ARG2: variants seen among roughly 807,000 people sequenced by gnomAD.
The protein encoded by ARG2 is arginase 2, also known as arginase-2, mitochondrial.
Under a neutral mutation model 39.4 loss-of-function variants are expected in ARG2, and 21 were observed. The ratio of observed to expected loss-of-function variants is 0.53; its 90% CI spans 0.38 to 0.77. ARG2 has a LOEUF of 0.77. ARG2 is among the 30% of genes least tolerant of loss of function. The probability of loss-of-function intolerance (pLI) is 0.00; values close to 1 mark genes in which losing one functional copy is unlikely to be tolerated. For missense variants in ARG2, 378 were observed against 426.2 expected (o/e 0.89, Z 1.00); for synonymous variants, 150 against 156.7 (o/e 0.96, Z 0.32).
chr14:67,619,950 G>C lies in ARG2; in HGVS notation c.-28G>C, dbSNP rs780297601. The stretch of plus-strand genomic sequence containing the variant: ...CGGCTTCCAACCGCGCGGAGCCTCT[G>C]CCTTGGAGATTCTCAGTGCTGCGGA... On this transcript the variant is annotated 5_prime_UTR_variant, in exon 1 of 8. Transcript: ENST00000261783. 1.7e-5 allele frequency: 26 copies of C among 1,508,818 alleles called. No homozygotes were observed. The South Asian group carries it at 1.9e-4, about 11-fold the overall frequency. 93.5% of individuals were successfully genotyped at this position (1,508,818 alleles called of 1,614,324 possible).
At chr14:67,630,697 G>A (rs1439540879) in intron 2 of ARG2, among the ~76,000 whole-genome samples, 1 of 152,148 alleles carries the variant, frequency 6.6e-6, no homozygotes, top group Non-Finnish European at 1.5e-5. Context: ...CTCTGCCTCA[G>A]CCTCCATAGT....
chr14:67,643,940 T>C (rs2037065177), intron 3 of ARG2, among the ~76,000 whole-genome samples: 1 of 144,888 alleles, frequency 6.9e-6, no homozygotes, highest in African/African-American at 2.5e-5. Flanking sequence ...ACTAGGCCAT[T>C]CAATTAAATC....
intron 2 of ARG2, among the ~76,000 whole-genome samples, chr14:67,624,030 G>A (rs1020177609): frequency 1.4e-4 from 22 of 152,016 alleles, no homozygotes; most frequent in Middle Eastern, 3.4e-3. Context: ...TTGTAGAGCC[G>A]GGGTCTCACT....
At chr14:67,628,166 C>T (rs1419668871) in intron 2 of ARG2, among the ~76,000 whole-genome samples, 1 of 152,080 alleles carries the variant, frequency 6.6e-6, no homozygotes, top group Non-Finnish European at 1.5e-5. Context: ...CTAATAGTGA[C>T]CTATTTCTTT....
chr14:67,627,256 G>GATATATATATATATATATATATATATAT lies in ARG2; in HGVS notation c.184+6316_184+6317insATATATATATATATATATATATATATAT, dbSNP rs3070464. On this transcript the variant is annotated intron_variant, in intron 2 of 7. Transcript: ENST00000261783. ...ACTAGGCAATTGTGATCAGTAAGGAGATATATATATATATATATATATATA... is the reference window on the plus strand; with the variant it reads ...ACTAGGCAATTGTGATCAGTAAGGAGATATATATATATATATATATATATATATATATATATATATATATATATATATA... Among the ~76,000 whole-genome samples, 35 of 133,732 alleles carry GATATATATATATATATATATATATATAT rather than the reference G, an allele frequency of 2.6e-4. 1 individual carries two copies. The highest frequency in any genetic ancestry group is 9.5e-4 in the African/African-American group (32 of 33,832). 87.7% of individuals were successfully genotyped at this position (133,732 alleles called of 152,430 possible). A position where few individuals can be genotyped will look rare whatever the true frequency, so the allele number is the denominator to read the frequency against.
At chr14:67,643,273 T>C (rs1159714052) in intron 3 of ARG2, among the ~76,000 whole-genome samples, 1 of 152,160 alleles carries the variant, frequency 6.6e-6, no homozygotes, top group Non-Finnish European at 1.5e-5. Context: ...CTAGATGAAA[T>C]AAATATACAT....
chr14:67,623,466 A>C (rs1285109578), intron 2 of ARG2, among the ~76,000 whole-genome samples: 1 of 148,624 alleles, frequency 6.7e-6, no homozygotes, highest in African/African-American at 2.5e-5. Flanking sequence ...AATGTATTTG[A>C]CTTAGTGTCT....
At position 67,650,988 on chromosome 14, in the gene ARG2, GAATACTA is replaced by G; in HGVS notation, c.*72_*78del. 1 of 1,462,712 alleles carries G rather than the reference GAATACTA, an allele frequency of 6.8e-7. No individual in the cohort carries two copies. Among genetic ancestry groups the G allele is most frequent in the South Asian group, 1.2e-5 (1 of 85,580 alleles). The allele number at this position is 1,462,712 out of a possible 1,614,324, so 90.6% of individuals were successfully genotyped here. Reference sequence around the variant, plus strand: ...ATTATGAGGCATTGAGGGGATAGATGAATACTAAATGGTTGTCTGGGTCAATACTGCC... The same window carrying G: ...ATTATGAGGCATTGAGGGGATAGATGAATGGTTGTCTGGGTCAATACTGCC... On this transcript the variant is annotated 3_prime_UTR_variant, in exon 8 of 8. Transcript: ENST00000261783.
chr14:67,646,949 T>C lies in ARG2; in HGVS notation c.646T>C (p.Tyr216His). ...HFILKNYDIQYFSMRDIDRLG... is the reference protein window; with the variant it reads ...HFILKNYDIQHFSMRDIDRLG... ...TATTTTAAAGAACTATGATATCCAGTATTTTTCCATGAGAGATATTGATCG... is the reference window on the plus strand; with the variant it reads ...TATTTTAAAGAACTATGATATCCAGCATTTTTCCATGAGAGATATTGATCG... Residue 216 changes from tyrosine to histidine, a missense_variant, in exon 6 of 8, where the codon TAT (tyrosine) becomes CAT (histidine). Tyr to His is a moderately conservative substitution (Grantham distance 83). Coordinates refer to ENST00000261783, the MANE Select transcript of ARG2 (RefSeq NM_001172.4). 1 of 1,610,108 alleles carries C rather than the reference T, an allele frequency of 6.2e-7. No homozygotes were observed. The highest frequency in any genetic ancestry group is 8.5e-7 in the Non-Finnish European group (1 of 1,176,464).
chr14:67,621,655 G>A, intron 2 of ARG2, among the ~76,000 whole-genome samples: 1 of 151,752 alleles, frequency 6.6e-6, no homozygotes, highest in Non-Finnish European at 1.5e-5. Context: ...ATGTTGGTCA[G>A]GCTGGTCTTG....
At chr14:67,628,211 T>C (rs2036886960) in intron 2 of ARG2, among the ~76,000 whole-genome samples, 1 of 152,210 alleles carries the variant, frequency 6.6e-6, no homozygotes, top group Admixed American at 6.5e-5. Context: ...GCCTCCTTTA[T>C]ATTGCAGATT....
At chr14:67,637,958 GC>G (rs1184530607) in intron 2 of ARG2, among the ~76,000 whole-genome samples, 2 of 152,164 alleles carry the variant, frequency 1.3e-5, no homozygotes, top group African/African-American at 4.8e-5. Context: ...GAGGAGGTGT[GC>G]TTTCTCAATG....
At position 67,646,845 on chromosome 14, in the gene ARG2, C is replaced by A. The variant is rs1432660046; in HGVS notation, c.618-76C>A. On this transcript the variant is annotated intron_variant, in intron 5 of 7. Coordinates refer to ENST00000261783, the MANE Select transcript of ARG2 (RefSeq NM_001172.4). ...CTATTGCAGGTCACTACAACAAACC[C>A]ACCCTCTCCCCCAAATACATATTTG... The A allele has an allele frequency of 1.0e-5, 14 of 1,380,638 alleles. No individual in the cohort carries two copies. The South Asian group carries it at 1.3e-4, about 13-fold the overall frequency. The allele number at this position is 1,380,638 out of a possible 1,614,324, so 85.5% of individuals were successfully genotyped here.
intron 2 of ARG2, among the ~76,000 whole-genome samples, chr14:67,631,415 G>T (rs2036916496): frequency 6.8e-6 from 1 of 147,438 alleles, no homozygotes; most frequent in African/African-American, 2.5e-5. Context: ...AATTCCTCTA[G>T]TAAATCCTTT....
chr14:67,628,569 TTTAAC>T (rs2036890113), intron 2 of ARG2, among the ~76,000 whole-genome samples: 2 of 152,204 alleles, frequency 1.3e-5, no homozygotes, highest in South Asian at 4.1e-4. Flanking sequence ...ATACCTCTTA[TTTAAC>T]TTAATACCTC....
rs2037112268 is a variant in ARG2, at chr14:67,647,202, GGGA to G, written c.722+183_722+185del. 8 of 506,812 alleles carry G rather than the reference GGGA, an allele frequency of 1.6e-5. No individual in the cohort carries two copies. In the Admixed American group the frequency reaches 2.5e-4, roughly 16 times the overall value. 31.4% of individuals were successfully genotyped at this position (506,812 alleles called of 1,614,324 possible). A position where few individuals can be genotyped will look rare whatever the true frequency, so the allele number is the denominator to read the frequency against. Reference sequence around the variant, plus strand: ...GTCATATTCTTCCTCTGGGGTTTTTGGGAGGAGGTTTCCTCTAAATCATTGCCT... The same window carrying G: ...GTCATATTCTTCCTCTGGGGTTTTTGGGAGGTTTCCTCTAAATCATTGCCT... On this transcript the variant is annotated intron_variant, in intron 6 of 7. Coordinates refer to ENST00000261783, the MANE Select transcript of ARG2 (RefSeq NM_001172.4).
At chr14:67,641,510 A>G (rs2037030351) in intron 2 of ARG2, among the ~76,000 whole-genome samples, 1 of 152,236 alleles carries the variant, frequency 6.6e-6, no homozygotes. Flanking sequence ...TAGTTGCCTC[A>G]CACAACTGTT....
intron 2 of ARG2, among the ~76,000 whole-genome samples, chr14:67,636,591 A>T (rs2140749866): frequency 6.6e-6 from 1 of 152,258 alleles, no homozygotes; most frequent in South Asian, 2.1e-4. Flanking sequence ...GGCTGTTTTG[A>T]TTTCTTCCTT....
rs1207581912 is a variant in ARG2 at position 67,625,636 on chromosome 14, T to C, written c.184+4670T>C. Among the ~76,000 whole-genome samples the C allele has an allele frequency of 6.0e-5, 8 of 133,306 alleles. No homozygotes were observed. The Admixed American group carries it at 6.1e-4, about 10-fold the overall frequency. The allele number at this position is 133,306 out of a possible 152,430, so 87.5% of individuals were successfully genotyped here. On this transcript the variant is annotated intron_variant, in intron 2 of 7. Transcript: ENST00000261783. Reference sequence around the variant, plus strand: ...CGGAGGTTGTGATGAGCCGAGATTGTGCCATTGCAGTCCAGCCTGGGCAAC... The same window carrying C: ...CGGAGGTTGTGATGAGCCGAGATTGCGCCATTGCAGTCCAGCCTGGGCAAC...
Sources: allele counts gnomAD v4.1 joint callset (sites outside exome capture counted in the v4.1 genomes callset), GRCh38; gene constraint gnomAD v4.1.1; transcripts MANE v1.5; gene names NCBI Gene and HGNC (gene_info 2026-07-23, HGNC 2026-07-21).